Variants in STK32A observed in about 807,000 individuals in gnomAD.
STK32A encodes serine/threonine kinase 32A.
In STK32A, 41 loss-of-function variants were observed where a neutral mutation model predicts 53.2. The ratio of observed to expected loss-of-function variants is 0.77; its 90% CI spans 0.60 to 1.00. The LOEUF (loss-of-function observed/expected upper bound fraction) is 1.00, where lower values mean the gene tolerates loss of function less well. Among genes scored for constraint, STK32A ranks in the 50% least tolerant of loss-of-function variants. The pLI is 0.00. For synonymous variants in STK32A, 166 were observed against 162.8 expected, an observed-to-expected ratio of 1.02 and a Z score of -0.15; for missense variants, 458 against 485.8, an observed-to-expected ratio of 0.94 and a Z score of 0.54.
intron 4 of STK32A, among the ~76,000 whole-genome samples, chr5:147,294,722 C>T (rs751936887): frequency 6.7e-5 from 10 of 150,162 alleles, no homozygotes; most frequent in East Asian, 2.0e-4. Flanking sequence ...CTCACTCTGT[C>T]GCACAGACTG....
At chr5:147,254,992 T>TAAAAAA in intron 2 of STK32A, among the ~76,000 whole-genome samples, 1 of 152,044 alleles carries the variant, frequency 6.6e-6, no homozygotes, top group East Asian at 1.9e-4. Flanking sequence ...ACAAAAAAAT[T>TAAAAAA]AGCTGGGCGT....
At chr5:147,261,811 T>C (rs530724054) in intron 2 of STK32A, among the ~76,000 whole-genome samples, 145 of 152,164 alleles carry the variant, frequency 9.5e-4, no homozygotes, top group Non-Finnish European at 1.3e-3. Context: ...ATATACAAAG[T>C]TTATTTTGTG....
intron 4 of STK32A, among the ~76,000 whole-genome samples, chr5:147,305,264 C>G (rs1378254123): frequency 6.6e-6 from 1 of 152,056 alleles, no homozygotes; most frequent in Non-Finnish European, 1.5e-5. Context: ...CTCAGCAAAG[C>G]GAGAGGGAGT....
intron 7 of STK32A, among the ~76,000 whole-genome samples, chr5:147,359,921 T>C (rs1446954053): frequency 6.6e-6 from 1 of 152,166 alleles, no homozygotes; most frequent in Non-Finnish European, 1.5e-5. Context: ...ATGAGTGCAC[T>C]GGGTAGGGAA....
chr5:147,362,093 A>T (rs1756531404), intron 8 of STK32A, among the ~76,000 whole-genome samples: 1 of 152,198 alleles, frequency 6.6e-6, no homozygotes, highest in Non-Finnish European at 1.5e-5. Flanking sequence ...TTTCCTTTTA[A>T]AGGAAACATT....
intron 2 of STK32A, among the ~76,000 whole-genome samples, chr5:147,242,676 C>T (rs4705137): frequency 0.76 from 115,175 of 152,086 alleles, 43,844 homozygotes; most frequent in Admixed American, 0.82. Flanking sequence ...CAGGATTGAA[C>T]AGTTGCCTAT....
chr5:147,254,910 T>A (rs1051947440), intron 2 of STK32A, among the ~76,000 whole-genome samples: 23 of 152,010 alleles, frequency 1.5e-4, no homozygotes, highest in African/African-American at 5.3e-4. Flanking sequence ...GAGGCAGAGG[T>A]GGGCGGATCA....
chr5:147,281,010 G>C (rs1474746781), intron 4 of STK32A, among the ~76,000 whole-genome samples: 3 of 152,130 alleles, frequency 2.0e-5, no homozygotes, highest in Admixed American at 1.3e-4. Flanking sequence ...TAGGCTAGCT[G>C]GGTGGCTAGA....
At chr5:147,235,280 G>GGA (rs1253226841) in intron 1 of STK32A, 81 bp downstream of exon 1, 2 of 152,394 alleles carry the variant, frequency 1.3e-5, no homozygotes, top group African/African-American at 4.8e-5. Flanking sequence ...GGAAGTGCAA[G>GGA]GAGAAGAGAA....
At chr5:147,264,177 G>A (rs950907154) in intron 2 of STK32A, among the ~76,000 whole-genome samples, 1 of 152,136 alleles carries the variant, frequency 6.6e-6, no homozygotes, top group South Asian at 2.1e-4. Flanking sequence ...TTCTTACAAA[G>A]CTGTTTTAAA....
chr5:147,260,152 CT>C, intron 2 of STK32A, among the ~76,000 whole-genome samples: 1 of 94,242 alleles, frequency 1.1e-5, no homozygotes, highest in Non-Finnish European at 2.3e-5. Context: ...TCTCCTGTCT[CT>C]CTCCTCTCTG....
chr5:147,347,116 C>T (rs534091979), intron 6 of STK32A, among the ~76,000 whole-genome samples: 24 of 152,242 alleles, frequency 1.6e-4, no homozygotes, highest in East Asian at 5.8e-4. Flanking sequence ...TAAACACCTG[C>T]GAGTAGCAGA....
At chr5:147,389,674 GC>G (rs770723975), downstream of STK32A, among the ~76,000 whole-genome samples, 1 of 152,128 alleles carries the variant, frequency 6.6e-6, no homozygotes, top group Non-Finnish European at 1.5e-5. Context: ...TTCAAGACCA[GC>G]CTGGCCAACA....
Position 147,384,014 on chromosome 5 carries a change from C to T in STK32A, c.*31C>T, listed in dbSNP as rs1362854764. 1 of 1,586,798 alleles carries T rather than the reference C, an allele frequency of 6.3e-7. No homozygotes were observed. Among genetic ancestry groups the T allele is most frequent in the Non-Finnish European group, 8.5e-7 (1 of 1,171,056 alleles). The stretch of plus-strand genomic sequence containing the variant: ...TCATGTCTTCTTCTTGGGACAATCT[C>T]ATGCCAGAAACTTCTAATTACATAT... On this transcript the variant is annotated 3_prime_UTR_variant, in exon 13 of 13. Coordinates refer to ENST00000397936, the MANE Select transcript of STK32A (RefSeq NM_001112724.2).
the STK32A span, chr5:147,397,890 A>G: frequency 2.0e-6 from 3 of 1,525,202 alleles, no homozygotes; most frequent in African/African-American, 1.4e-5. Context: ...GGGTAGAGAA[A>G]GAGGAACGTA....
chr5:147,277,280 A>G (rs1751792936), intron 2 of STK32A, among the ~76,000 whole-genome samples: 1 of 152,228 alleles, frequency 6.6e-6, no homozygotes, highest in Admixed American at 6.5e-5. Flanking sequence ...CTCAGTTATC[A>G]AGGCAGTAAA....
chr5:147,335,942 G>C (rs1755098478), intron 5 of STK32A, among the ~76,000 whole-genome samples: 1 of 152,192 alleles, frequency 6.6e-6, no homozygotes, highest in Non-Finnish European at 1.5e-5. Context: ...CAATCAAAAT[G>C]ACCATTAGTA....
intron 4 of STK32A, among the ~76,000 whole-genome samples, chr5:147,287,880 C>A (rs760662055): frequency 2.8e-4 from 43 of 151,648 alleles, no homozygotes; most frequent in Non-Finnish European, 4.4e-4. Context: ...GACCAGGGAC[C>A]CATGATAAGG....
At position 147,343,038 on chromosome 5, in the gene STK32A, A is replaced by G; in HGVS notation, c.467A>G (p.Glu156Gly). ...AAGCCTGACAATATTTTACTTGACG[A>G]ACATGGTAAGTGAGTGATTTGTTTG... ...DMKPDNILLD[E>G]HGHVHITDFN... is the part of the protein sequence containing the mutation. The change falls in exon 6 of 13, where the codon GAA becomes GGA. Residue 156 changes from glutamate to glycine, a missense_variant. Physicochemically the swap from Glu to Gly is moderately conservative, Grantham distance 98. Coordinates refer to ENST00000397936, the MANE Select transcript of STK32A (RefSeq NM_001112724.2). 1.2e-6 allele frequency: 2 copies of G among 1,613,472 alleles called. No individual in the cohort carries two copies. The highest frequency in any genetic ancestry group is 1.7e-6 in the Non-Finnish European group (2 of 1,179,738).
Sources: gnomAD v4.1 joint callset for allele counts (sites outside exome capture counted in the v4.1 genomes callset) on GRCh38, gnomAD v4.1.1 for gene constraint, MANE v1.5 for transcripts, NCBI Gene and HGNC (gene_info 2026-07-23, HGNC 2026-07-21) for gene names.